ATXN7: variants seen among roughly 807,000 people sequenced by gnomAD.
ATXN7 encodes ataxin 7.
ATXN7 carries 12 observed loss-of-function variants against 70.5 expected under a neutral mutation model. That is an observed-to-expected ratio of 0.17 (90% CI 0.11 to 0.28). ATXN7 has a LOEUF of 0.28. Ranked by LOEUF, ATXN7 falls within the 10% of genes least tolerant of loss-of-function variation. The probability of loss-of-function intolerance (pLI) is 1.00; values close to 1 mark genes in which losing one functional copy is unlikely to be tolerated. For missense variants in ATXN7, 1,256 were observed against 1,131.7 expected (o/e 1.11, Z -1.58); for synonymous variants, 498 against 448.7 (o/e 1.11, Z -1.39).
chr3:63,929,064 C>T (rs1228756069), intron 4 of ATXN7, among the ~76,000 whole-genome samples: 1 of 152,098 alleles, frequency 6.6e-6, no homozygotes, highest in Non-Finnish European at 1.5e-5. Context: ...ATGGTTAACT[C>T]TGAGAAAGCA....
At chr3:63,912,358 C>T (rs1274820757) in intron 2 of ATXN7, among the ~76,000 whole-genome samples, 1 of 151,602 alleles carries the variant, frequency 6.6e-6, no homozygotes, top group Non-Finnish European at 1.5e-5. Context: ...CGTCCCCTCC[C>T]TCGGGCGGCC....
rs78118998 is a variant in ATXN7 at position 63,924,496 on chromosome 3, T to A, written c.394+11271T>A. Among the ~76,000 whole-genome samples, 20 of 152,194 alleles carry A rather than the reference T, an allele frequency of 1.3e-4. No homozygotes were observed. In the East Asian group the frequency reaches 3.5e-3, roughly 26 times the overall value. Reference sequence around the variant, plus strand: ...GGCCAAGGGCTGAGCCTTGGGTCCCTCCACAGTGAGGTGGTGGGTGGGCGA... The same window carrying A: ...GGCCAAGGGCTGAGCCTTGGGTCCCACCACAGTGAGGTGGTGGGTGGGCGA... On this transcript the variant is annotated intron_variant, in intron 4 of 12. Coordinates refer to ENST00000674280, the MANE Select transcript of ATXN7 (RefSeq NM_001377405.1).
At chr3:63,961,594 A>G (rs1237282975) in intron 5 of ATXN7, among the ~76,000 whole-genome samples, 1 of 152,074 alleles carries the variant, frequency 6.6e-6, no homozygotes, top group Non-Finnish European at 1.5e-5. Flanking sequence ...TATATATATA[A>G]ATTGTTTATA....
intron 2 of ATXN7, among the ~76,000 whole-genome samples, chr3:63,910,608 A>G (rs775085599): frequency 6.6e-6 from 1 of 152,242 alleles, no homozygotes; most frequent in Non-Finnish European, 1.5e-5. Context: ...CAAGGGAATT[A>G]TATGTTTTAC....
intron 1 of ATXN7, among the ~76,000 whole-genome samples, chr3:63,887,395 T>G (rs1452560252): frequency 6.6e-6 from 1 of 152,242 alleles, no homozygotes; most frequent in African/African-American, 2.4e-5. Flanking sequence ...GTGTAGAAAC[T>G]ATTGCCATGT....
chr3:63,902,700 G>A (rs1017990227), intron 2 of ATXN7, among the ~76,000 whole-genome samples: 1 of 152,084 alleles, frequency 6.6e-6, no homozygotes, highest in African/African-American at 2.4e-5. Flanking sequence ...AGAGAGGTTG[G>A]TGCTCTGGGA....
chr3:63,895,495 A>G (rs1202605231), intron 1 of ATXN7, among the ~76,000 whole-genome samples: 1 of 152,132 alleles, frequency 6.6e-6, no homozygotes, highest in Non-Finnish European at 1.5e-5. Flanking sequence ...TATCTTGGAC[A>G]AGATCATTTT....
rs1452714596 is a variant in ATXN7 at position 64,000,643 on chromosome 3, C to T, written c.*1176C>T. ...GGATGTGGTTGGGGACGAGAGCAGA[C>T]ACCAAGGAAAGGGAGTTGGAGAGAA... On this transcript the variant is annotated 3_prime_UTR_variant, in exon 13 of 13. Transcript: ENST00000674280. 3 of 152,172 alleles carry T rather than the reference C, an allele frequency of 2.0e-5. No homozygotes were observed. The highest frequency in any genetic ancestry group is 2.4e-5 in the African/African-American group (1 of 41,430). 9.4% of individuals were successfully genotyped at this position (152,172 alleles called of 1,614,324 possible). A position where few individuals can be genotyped will look rare whatever the true frequency, so the allele number is the denominator to read the frequency against.
chr3:63,929,267 CTCTTT>C (rs1390669597), intron 4 of ATXN7, among the ~76,000 whole-genome samples: 1 of 148,338 alleles, frequency 6.7e-6, no homozygotes, highest in East Asian at 2.0e-4. Context: ...CTCTCTCTCT[CTCTTT>C]TTTTTTTTTT....
intron 11 of ATXN7, among the ~76,000 whole-genome samples, chr3:63,995,194 T>C (rs140300843): frequency 6.6e-6 from 1 of 150,726 alleles, no homozygotes; most frequent in African/African-American, 2.5e-5. Context: ...TATTGGGTCA[T>C]GGCATTTTCT....
At chr3:63,960,614 T>C (rs767763050) in intron 5 of ATXN7, among the ~76,000 whole-genome samples, 28 of 152,064 alleles carry the variant, frequency 1.8e-4, no homozygotes, top group Non-Finnish European at 3.5e-4. Context: ...GGCTTGCTGA[T>C]GGACTGGGAA....
chr3:63,899,043 C>A (rs560659703), intron 2 of ATXN7, among the ~76,000 whole-genome samples: 1 of 148,906 alleles, frequency 6.7e-6, no homozygotes, highest in African/African-American at 2.5e-5. Context: ...AAAATAGCAG[C>A]CATCATTAAT....
In ATXN7 at chr3:63,997,805, T is replaced by C. The variant is rs1474699745; in HGVS notation, c.2661+1322T>C. On this transcript the variant is annotated intron_variant, in intron 12 of 12. Coordinates refer to ENST00000674280, the MANE Select transcript of ATXN7 (RefSeq NM_001377405.1). The stretch of plus-strand genomic sequence containing the variant: ...AAGAAGTTTCTTAGTATTTTCGTAG[T>C]GTGATATAATTTTCCTCTAATATTT... 3 of 1,469,002 alleles carry C rather than the reference T, an allele frequency of 2.0e-6. No homozygotes were observed. In the African/African-American group the frequency reaches 4.3e-5, roughly 21 times the overall value. The allele number at this position is 1,469,002 out of a possible 1,614,324, so 91.0% of individuals were successfully genotyped here.
chr3:63,882,860 A>G (rs1367438203), intron 1 of ATXN7, among the ~76,000 whole-genome samples: 3 of 152,212 alleles, frequency 2.0e-5, no homozygotes, highest in Non-Finnish European at 4.4e-5. Flanking sequence ...TGTGTTTAGG[A>G]TGAACACATA....
chr3:63,998,770 C>T, intron 12 of ATXN7: 1 of 854,128 alleles, frequency 1.2e-6, no homozygotes, highest in Non-Finnish European at 1.4e-6. Flanking sequence ...CTCGTGACCC[C>T]AAAATGCTTT....
chr3:63,903,171 G>C (rs1703709382), intron 2 of ATXN7, among the ~76,000 whole-genome samples: 1 of 151,942 alleles, frequency 6.6e-6, no homozygotes, highest in Non-Finnish European at 1.5e-5. Flanking sequence ...GAGGCGGGAG[G>C]ATCACGAGGT....
At chr3:63,963,343 G>A (rs1017193963) in intron 5 of ATXN7, among the ~76,000 whole-genome samples, 10 of 152,016 alleles carry the variant, frequency 6.6e-5, no homozygotes, top group African/African-American at 1.7e-4. Context: ...CACCTATAAC[G>A]TATTTTTATA....
chr3:63,987,050 A>G (rs901906512), intron 8 of ATXN7, among the ~76,000 whole-genome samples: 1 of 152,244 alleles, frequency 6.6e-6, no homozygotes. Flanking sequence ...TCTCAGCAGT[A>G]TGGAATGGTC....
chr3:63,994,516 T>G, intron 11 of ATXN7, among the ~76,000 whole-genome samples: 1 of 152,228 alleles, frequency 6.6e-6, no homozygotes, highest in East Asian at 1.9e-4. Context: ...ATTACAGTTG[T>G]GAGCCACTGC....
Sources: allele counts gnomAD v4.1 joint callset (sites outside exome capture counted in the v4.1 genomes callset), GRCh38; gene constraint gnomAD v4.1.1; transcripts MANE v1.5; gene names NCBI Gene and HGNC (gene_info 2026-07-23, HGNC 2026-07-21).